The following TRMT9B variants were observed in gnomAD, a reference collection of about 807,000 sequenced individuals.
TRMT9B encodes the protein probable tRNA methyltransferase 9B.
A neutral mutation model predicts 11.5 loss-of-function variants in TRMT9B; 16 were observed. The observed-to-expected ratio is 1.39, with a 90% CI of 0.94 to 2.11. The LOEUF (loss-of-function observed/expected upper bound fraction) is 2.11. Ranked by LOEUF, TRMT9B falls within the 30% of genes most tolerant of loss-of-function variation. The pLI, the probability that TRMT9B is intolerant of heterozygous loss-of-function variation, is 0.00. For synonymous variants in TRMT9B, 274 were observed against 192.4 expected, an observed-to-expected ratio of 1.42 and a Z score of -3.51; for missense variants, 941 against 553.8, an observed-to-expected ratio of 1.70 and a Z score of -7.02.
At position 12,948,546 on chromosome 8, in the gene TRMT9B, A is replaced by T. The variant is rs913639847; in HGVS notation, c.-200+2580A>T. Among the ~76,000 whole-genome samples, 7 of 148,118 alleles carry T rather than the reference A, an allele frequency of 4.7e-5. No individual in the cohort carries two copies. The East Asian group carries it at 1.4e-3, about 29-fold the overall frequency. ...ATATTCATATTGCATATATATTTACATTGCATATGAATATATAATATATAA... is the reference window on the plus strand; with the variant it reads ...ATATTCATATTGCATATATATTTACTTTGCATATGAATATATAATATATAA... On this transcript the variant is annotated intron_variant, in intron 1 of 4. Transcript: ENST00000524591.
intron 3 of TRMT9B, chr8:13,006,729 T>A: frequency 9.4e-7 from 1 of 1,062,640 alleles, no homozygotes; most frequent in Non-Finnish European, 1.2e-6. Flanking sequence ...AGTGCAGTGG[T>A]GCAATCTCAG....
In TRMT9B at chr8:13,023,738, C is replaced by A. The variant is rs517640; in HGVS notation, c.*1694C>A. 2.4e-5 allele frequency: 4 copies of A among 166,636 alleles called. No homozygotes were observed. The highest frequency in any genetic ancestry group is 4.4e-5 in the Non-Finnish European group (3 of 68,084). 10.3% of individuals were successfully genotyped at this position (166,636 alleles called of 1,614,324 possible). On this transcript the variant is annotated 3_prime_UTR_variant, in exon 5 of 5. Coordinates refer to ENST00000524591, the MANE Select transcript of TRMT9B (RefSeq NM_020844.3). The stretch of plus-strand genomic sequence containing the variant: ...CCACTAAAAGTGACTAAAATAATAA[C>A]GAATTTCATTTGTTCTTGGGTTCTT...
At chr8:13,019,339 T>A (rs528724584) in intron 4 of TRMT9B, among the ~76,000 whole-genome samples, 5 of 152,344 alleles carry the variant, frequency 3.3e-5, no homozygotes, top group African/African-American at 7.2e-5. Context: ...TTGGCCAGAC[T>A]GGACTGCAGT....
At chr8:12,954,267 C>T (rs1329343623) in intron 1 of TRMT9B, among the ~76,000 whole-genome samples, 4 of 152,122 alleles carry the variant, frequency 2.6e-5, no homozygotes, top group South Asian at 2.1e-4. Context: ...ATTTCTGATA[C>T]GCGGATATGT....
chr8:12,985,805 T>C (rs959951471), intron 1 of TRMT9B, among the ~76,000 whole-genome samples: 1 of 152,166 alleles, frequency 6.6e-6, no homozygotes, highest in African/African-American at 2.4e-5. Context: ...GTATTCTCTT[T>C]TGATTTAATA....
At chr8:12,988,468 T>A (rs1024844799) in intron 1 of TRMT9B, among the ~76,000 whole-genome samples, 19 of 152,182 alleles carry the variant, frequency 1.2e-4, no homozygotes, top group African/African-American at 4.3e-4. Flanking sequence ...ACTGTGTAAT[T>A]TATAAAGGAA....
At position 12,948,864 on chromosome 8, in the gene TRMT9B, G is replaced by A. The variant is rs533144384; in HGVS notation, c.-200+2898G>A. On this transcript the variant is annotated intron_variant, in intron 1 of 4. Coordinates refer to ENST00000524591, the MANE Select transcript of TRMT9B (RefSeq NM_020844.3). ...AGTCCCCGCTACTTGGGAGGCTGAG[G>A]CAGGAGAATGGCGTGAACCTGGGAG... Among the ~76,000 whole-genome samples the A allele has an allele frequency of 1.9e-3, 293 of 152,274 alleles. 1 individual carries two copies. Among genetic ancestry groups the A allele is most frequent in the African/African-American group, 6.9e-3 (285 of 41,564 alleles).
At chr8:13,000,092 T>C (rs941279659) in intron 2 of TRMT9B, among the ~76,000 whole-genome samples, 6 of 152,140 alleles carry the variant, frequency 3.9e-5, no homozygotes, top group African/African-American at 1.2e-4. Flanking sequence ...ATGATATCTC[T>C]CCATCAAGAG....
rs369746383 is a variant in TRMT9B at position 13,006,261 on chromosome 8, C to T, written c.59C>T (p.Thr20Ile). The T allele has an allele frequency of 1.2e-5, 19 of 1,614,014 alleles. No individual in the cohort carries two copies. The highest frequency in any genetic ancestry group is 1.7e-4 in the Middle Eastern group (1 of 6,060). ...KQHVHNVYES[T>I]APYFSDLQSK... ...CATGTGCACAATGTGTACGAGAGCA[C>T]AGCCCCTTACTTCAGCGACCTGCAG... is the stretch of plus-strand genomic sequence containing the variant. Residue 20 changes from threonine to isoleucine, a missense_variant, in exon 3 of 5, where the codon ACA (threonine) becomes ATA (isoleucine). By Grantham distance (89) the Thr-to-Ile change is moderately conservative. Transcript: ENST00000524591.
At chr8:13,006,564 C>T in intron 3 of TRMT9B, 1 of 1,422,260 alleles carries the variant, frequency 7.0e-7, no homozygotes, top group Non-Finnish European at 9.2e-7. Flanking sequence ...AATAGGAATC[C>T]TGAAATTGCA....
At chr8:12,975,315 G>T (rs1027768650) in intron 1 of TRMT9B, among the ~76,000 whole-genome samples, 1 of 152,082 alleles carries the variant, frequency 6.6e-6, no homozygotes, top group African/African-American at 2.4e-5. Context: ...ACTTGATATA[G>T]ATAACAAATA....
chr8:12,978,719 C>G (rs1018712137), intron 1 of TRMT9B, among the ~76,000 whole-genome samples: 1 of 152,210 alleles, frequency 6.6e-6, no homozygotes, highest in African/African-American at 2.4e-5. Flanking sequence ...AAGACATACA[C>G]AGCGTCTCAA....
At chr8:13,015,763 C>A (rs1444627168) in intron 4 of TRMT9B, among the ~76,000 whole-genome samples, 1 of 152,128 alleles carries the variant, frequency 6.6e-6, no homozygotes, top group Non-Finnish European at 1.5e-5. Flanking sequence ...ACACTCCATG[C>A]TTATCTGGCT....
chr8:12,969,603 T>C (rs1352064667), intron 1 of TRMT9B, among the ~76,000 whole-genome samples: 1 of 152,168 alleles, frequency 6.6e-6, no homozygotes, highest in Non-Finnish European at 1.5e-5. Flanking sequence ...GTATCTCTTA[T>C]TTGTATTATT....
Position 13,028,113 on chromosome 8 carries a change from C to T in TRMT9B, c.*6069C>T, listed in dbSNP as rs886697939. ...TATTTTTAATTCCCCAGGGATCCTA[C>T]GGTCTATGACACATTAACAGGGGTG... On this transcript the variant is annotated 3_prime_UTR_variant, in exon 5 of 5. Transcript: ENST00000524591. 3.7e-4 allele frequency: 61 copies of T among 167,066 alleles called. No homozygotes were observed. In the Admixed American group the frequency reaches 3.9e-3, roughly 11 times the overall value. The allele number at this position is 167,066 out of a possible 1,614,324, so 10.3% of individuals were successfully genotyped here.
rs550233054 is a variant in TRMT9B, at chr8:13,028,029, A to G, written c.*5985A>G. On this transcript the variant is annotated 3_prime_UTR_variant, in exon 5 of 5. Transcript: ENST00000524591. ...ATTGCAAATGAAAGAGCTCAGCATG[A>G]GAGCACAATCAGAAACTGAAGAGAG... The G allele has an allele frequency of 1.8e-5, 3 of 167,130 alleles. No individual in the cohort carries two copies. The highest frequency in any genetic ancestry group is 4.8e-5 in the African/African-American group (2 of 41,584). 10.4% of individuals were successfully genotyped at this position (167,130 alleles called of 1,614,324 possible). A position where few individuals can be genotyped will look rare whatever the true frequency, so the allele number is the denominator to read the frequency against.
chr8:13,023,956 T>C lies in TRMT9B; in HGVS notation c.*1912T>C, dbSNP rs911378969. The C allele has an allele frequency of 1.8e-5, 3 of 167,008 alleles. No individual in the cohort carries two copies. Among genetic ancestry groups the C allele is most frequent in the Non-Finnish European group, 4.4e-5 (3 of 68,108 alleles). 10.3% of individuals were successfully genotyped at this position (167,008 alleles called of 1,614,324 possible). On this transcript the variant is annotated 3_prime_UTR_variant, in exon 5 of 5. Transcript: ENST00000524591. ...AAAATGATGCATATGAGTTGTACTG[T>C]TCAGTGTACATCCTGCAGTAGTGGA...
Position 13,012,707 on chromosome 8 carries a change from A to C in TRMT9B, c.178A>C (p.Lys60Gln). 1 of 1,613,730 alleles carries C rather than the reference A, an allele frequency of 6.2e-7. No homozygotes were observed. Among genetic ancestry groups the C allele is most frequent in the South Asian group, 1.1e-5 (1 of 91,044 alleles). Residue 60 changes from lysine (K) to glutamine (Q), a missense_variant, in exon 4 of 5, where the codon AAA becomes CAA. Coordinates refer to ENST00000524591, the MANE Select transcript of TRMT9B (RefSeq NM_020844.3). Reference sequence around the variant, plus strand: ...AGGTTGTGGGACTGGAAAATATCTTAAAGTGAACAGCCAGGTACATACCGT... The same window carrying C: ...AGGTTGTGGGACTGGAAAATATCTTCAAGTGAACAGCCAGGTACATACCGT... ...DIGCGTGKYL[K>Q]VNSQVHTVGC...
At chr8:12,951,388 C>A (rs1006625952) in intron 1 of TRMT9B, 2 of 152,358 alleles carry the variant, frequency 1.3e-5, no homozygotes, top group Non-Finnish European at 2.9e-5. Flanking sequence ...CAAGGTACTG[C>A]GCTGATGCGC....
Sources: gnomAD v4.1 joint callset for allele counts (sites outside exome capture counted in the v4.1 genomes callset) on GRCh38, gnomAD v4.1.1 for gene constraint, MANE v1.5 for transcripts, NCBI Gene and HGNC (gene_info 2026-07-23, HGNC 2026-07-21) for gene names.